Variants in NPHP1 observed in about 807,000 individuals in gnomAD.
NPHP1 encodes nephrocystin 1, also known as nephrocystin-1.
NPHP1 carries 70 observed loss-of-function variants against 90.4 expected under a neutral mutation model. The observed-to-expected ratio is 0.77, with a 90% CI of 0.64 to 0.95. NPHP1 has a LOEUF of 0.95. Among genes scored for constraint, NPHP1 ranks in the 40% least tolerant of loss-of-function variants. The probability of loss-of-function intolerance (pLI) is 0.00; values close to 1 mark genes in which losing one functional copy is unlikely to be tolerated. For missense variants in NPHP1, 764 were observed against 795.9 expected, an observed-to-expected ratio of 0.96 and a Z score of 0.48; for synonymous variants, 256 against 271.7, an observed-to-expected ratio of 0.94 and a Z score of 0.57.
chr2:110,201,501 A>C lies in NPHP1; in HGVS notation c.70-7T>G. 1 of 1,597,884 alleles carries C rather than the reference A, an allele frequency of 6.3e-7. No individual in the cohort carries two copies. The highest frequency in any genetic ancestry group is 8.6e-7 in the Non-Finnish European group (1 of 1,167,334). On this transcript the variant is annotated splice_region_variant and splice_polypyrimidine_tract_variant and intron_variant, in intron 1 of 19. Coordinates refer to ENST00000445609, the MANE Select transcript of NPHP1 (RefSeq NM_001128178.3). The stretch of plus-strand genomic sequence containing the variant: ...CAGAAAGCAAACTATCAACCTATGG[A>C]GACCATTTAAAATATCACATTATTA...
intron 4 of NPHP1, among the ~76,000 whole-genome samples, chr2:110,174,697 G>A (rs1033011092): frequency 6.6e-6 from 1 of 151,794 alleles, no homozygotes; most frequent in Non-Finnish European, 1.5e-5. Context: ...GAGTTGTCTG[G>A]CGTACACATT....
chr2:110,131,829 C>T, intron 16 of NPHP1, 38 bp from the exon 17 acceptor site: 1 of 1,225,322 alleles, frequency 8.2e-7, no homozygotes, highest in Non-Finnish European at 1.2e-6. Context: ...TTAGACAATC[C>T]CCTACAATCC....
At position 110,123,840 on chromosome 2, in the gene NPHP1, G is replaced by C; in HGVS notation, c.1985C>G (p.Ser662Ter). 1 of 1,614,112 alleles carries C rather than the reference G, an allele frequency of 6.2e-7. No homozygotes were observed. The highest frequency in any genetic ancestry group is 8.5e-7 in the Non-Finnish European group (1 of 1,179,992). ...ACCCAAGAAGTCATAGGTCTGCTCTGAAAGGTCAAAAGGTTCATGAACTCC... is the reference window on the plus strand; with the variant it reads ...ACCCAAGAAGTCATAGGTCTGCTCTCAAAGGTCAAAAGGTTCATGAACTCC... ...PDGVHEPFDL[S>*]EQTYDFLGEM... Residue 662 changes from serine (S) to a stop codon, truncating the protein, a stop_gained, in exon 20 of 20, where the codon TCA becomes TGA. Coordinates refer to ENST00000445609, the MANE Select transcript of NPHP1 (RefSeq NM_001128178.3). LOFTEE classifies it high-confidence loss of function.
chr2:110,183,170 C>T (rs1684029555), intron 2 of NPHP1, among the ~76,000 whole-genome samples: 1 of 152,134 alleles, frequency 6.6e-6, no homozygotes, highest in African/African-American at 2.4e-5. Flanking sequence ...TAAACTGGCC[C>T]CAAAACTGGC....
chr2:110,164,580 G>A lies in NPHP1; in HGVS notation c.771+108C>T. ...CTCTGCTCTGTACATTCCATGCCCT[G>A]AACCCTGTTTCAGATCCATTGGTGT... On this transcript the variant is annotated intron_variant, in intron 8 of 19. Transcript: ENST00000445609. 8 of 1,606,152 alleles carry A rather than the reference G, an allele frequency of 5.0e-6. No individual in the cohort carries two copies. The highest frequency in any genetic ancestry group is 6.0e-6 in the Non-Finnish European group (7 of 1,173,124).
intron 2 of NPHP1, chr2:110,185,252 G>A (rs1684206102): frequency 4.1e-6 from 2 of 488,026 alleles, no homozygotes; most frequent in Non-Finnish European, 8.2e-6. Context: ...GAGTCAGAGT[G>A]TTTGTGAGGA....
chr2:110,184,504 C>A, intron 2 of NPHP1: 1 of 1,079,260 alleles, frequency 9.3e-7, no homozygotes, highest in Non-Finnish European at 1.4e-6. Context: ...CTTTATGCCA[C>A]AGGCAGGACC....
At chr2:110,132,614 A>C (rs1402234454) in intron 16 of NPHP1, among the ~76,000 whole-genome samples, 1 of 152,184 alleles carries the variant, frequency 6.6e-6, no homozygotes, top group African/African-American at 2.4e-5. Context: ...AGATTGTGCC[A>C]CTGCACTCCA....
intron 4 of NPHP1, chr2:110,178,075 G>A: frequency 3.1e-6 from 1 of 326,870 alleles, no homozygotes; most frequent in Non-Finnish European, 5.6e-6. Context: ...TTTATGAAAG[G>A]GAGAACAATG....
chr2:110,198,610 AAC>A (rs2104703030), intron 2 of NPHP1, among the ~76,000 whole-genome samples: 1 of 152,226 alleles, frequency 6.6e-6, no homozygotes, highest in Non-Finnish European at 1.5e-5. Flanking sequence ...AACAAACAAA[AAC>A]AATTAACAAA....
chr2:110,134,303 T>C (rs946590556), intron 16 of NPHP1, among the ~76,000 whole-genome samples: 1 of 151,718 alleles, frequency 6.6e-6, no homozygotes, highest in Non-Finnish European at 1.5e-5. Flanking sequence ...CACAAAGAAA[T>C]AGAAAATCTC....
rs569608074 is a variant in NPHP1 at position 110,124,296 on chromosome 2, C to T, written c.1762-233G>A. The T allele has an allele frequency of 3.5e-4, 209 of 589,742 alleles. 3 individuals carry two copies. Among genetic ancestry groups the T allele is most frequent in the South Asian group, 3.3e-3 (171 of 51,556 alleles). The allele number at this position is 589,742 out of a possible 1,614,324, so 36.5% of individuals were successfully genotyped here. A position where few individuals can be genotyped will look rare whatever the true frequency, so the allele number is the denominator to read the frequency against. ...CTCCCTGAGAGCCTCTACGTGGCTC[C>T]ATGAGACCAGGGTGTCTCCTAAGCT... On this transcript the variant is annotated intron_variant, in intron 19 of 19. Coordinates refer to ENST00000445609, the MANE Select transcript of NPHP1 (RefSeq NM_001128178.3).
chr2:110,172,189 T>G (rs772161189), intron 4 of NPHP1, among the ~76,000 whole-genome samples: 1 of 152,162 alleles, frequency 6.6e-6, no homozygotes, highest in South Asian at 2.1e-4. Context: ...ACACAAGTTG[T>G]TCATAGTCTT....
rs774076023 is a variant in NPHP1 at position 110,169,873 on chromosome 2, G to C, written c.455C>G (p.Ser152Ter). ...EKEENESHKWSTGEEYIAVGD... is the reference protein window; with the variant it reads ...EKEENESHKW ...AACAGCGATGTATTCTTCACCGGTT[G>C]ACCATTTGTGAGATTCATTTTCCTC... The change falls in exon 5 of 20, where the codon TCA becomes TGA. Residue 152 changes from serine (S) to a stop codon, truncating the protein, a stop_gained. Transcript: ENST00000445609. LOFTEE classifies it high-confidence loss of function. 6.2e-7 allele frequency: 1 copy of C among 1,613,524 alleles called. No individual in the cohort carries two copies. Among genetic ancestry groups the C allele is most frequent in the Non-Finnish European group, 8.5e-7 (1 of 1,179,616 alleles).
chr2:110,156,838 G>C (rs974262393), intron 11 of NPHP1, among the ~76,000 whole-genome samples: 1 of 150,870 alleles, frequency 6.6e-6, no homozygotes, highest in Non-Finnish European at 1.5e-5. Flanking sequence ...GTGCAGTGGC[G>C]CAATCTTGGC....
chr2:110,188,367 A>T (rs753738542), intron 2 of NPHP1, among the ~76,000 whole-genome samples: 1 of 152,152 alleles, frequency 6.6e-6, no homozygotes, highest in Non-Finnish European at 1.5e-5. Flanking sequence ...CCTATATACC[A>T]ACAACAGGCA....
intron 2 of NPHP1, among the ~76,000 whole-genome samples, chr2:110,189,927 G>T (rs544472171): frequency 1.3e-5 from 2 of 152,228 alleles, no homozygotes; most frequent in Non-Finnish European, 2.9e-5. Flanking sequence ...GATACAGAGT[G>T]CCGATTGGTG....
chr2:110,192,400 G>C (rs1684820546), intron 2 of NPHP1, among the ~76,000 whole-genome samples: 1 of 152,066 alleles, frequency 6.6e-6, no homozygotes, highest in South Asian at 2.1e-4. Context: ...TGGAAGAAAG[G>C]GTATCAGTGA....
chr2:110,137,277 G>A (rs2104456707), intron 16 of NPHP1, among the ~76,000 whole-genome samples: 1 of 152,242 alleles, frequency 6.6e-6, no homozygotes, highest in African/African-American at 2.4e-5. Context: ...AGGACTTCAT[G>A]TCTAAAACAC....
Sources: gnomAD v4.1 joint callset for allele counts (sites outside exome capture counted in the v4.1 genomes callset) on GRCh38, gnomAD v4.1.1 for gene constraint, MANE v1.5 for transcripts, NCBI Gene and HGNC (gene_info 2026-07-23, HGNC 2026-07-21) for gene names.